Variants in CADPS observed in about 807,000 individuals in gnomAD.
CADPS encodes calcium dependent secretion activator.
CADPS carries 57 observed loss-of-function variants against 167.3 expected under a neutral mutation model. The ratio of observed to expected loss-of-function variants is 0.34; its 90% CI spans 0.28 to 0.42. The LOEUF is 0.42. CADPS is among the 20% of genes least tolerant of loss of function. The pLI is 1.00. For missense variants in CADPS, 1,414 were observed against 1,738.1 expected (o/e 0.81, Z 3.32); for synonymous variants, 676 against 635.3 (o/e 1.06, Z -0.96).
At chr3:62,437,272 G>A (rs1470612516) in intron 28 of CADPS, among the ~76,000 whole-genome samples, 1 of 151,648 alleles carries the variant, frequency 6.6e-6, no homozygotes, top group Non-Finnish European at 1.5e-5. Flanking sequence ...TGAAATATCT[G>A]GCTAAATTAG....
At chr3:62,482,771 G>A (rs1019790414) in intron 21 of CADPS, among the ~76,000 whole-genome samples, 1 of 152,132 alleles carries the variant, frequency 6.6e-6, no homozygotes, top group Non-Finnish European at 1.5e-5. Context: ...CTGTGTGATG[G>A]CTTACATGGG....
At chr3:62,464,705 T>C (rs2059748196) in intron 26 of CADPS, among the ~76,000 whole-genome samples, 1 of 152,184 alleles carries the variant, frequency 6.6e-6, no homozygotes, top group South Asian at 2.1e-4. Flanking sequence ...AGATCATATG[T>C]CCCAGAAGTT....
intron 3 of CADPS, among the ~76,000 whole-genome samples, chr3:62,692,344 T>C (rs912317340): frequency 2.6e-5 from 4 of 151,092 alleles, no homozygotes; most frequent in Non-Finnish European, 5.9e-5. Context: ...AGGAACCATT[T>C]AGTCCAGAGA....
intron 2 of CADPS, among the ~76,000 whole-genome samples, chr3:62,757,361 AC>A (rs1033463542): frequency 6.6e-6 from 1 of 151,996 alleles, no homozygotes; most frequent in Non-Finnish European, 1.5e-5. Context: ...CTCCAGCTAG[AC>A]TATAAGTTCC....
chr3:62,537,915 G>C (rs747153133), intron 11 of CADPS, among the ~76,000 whole-genome samples: 2 of 150,390 alleles, frequency 1.3e-5, no homozygotes, highest in East Asian at 3.9e-4. Flanking sequence ...TTAAAAAAAC[G>C]TTGTCATTTT....
intron 1 of CADPS, among the ~76,000 whole-genome samples, chr3:62,873,389 T>G (rs773490768): frequency 1.4e-4 from 22 of 152,218 alleles, no homozygotes; most frequent in Non-Finnish European, 2.8e-4. Context: ...TTGATGGGGT[T>G]AGGACTGGCC....
rs1023016437 is a variant in CADPS at position 62,518,360 on chromosome 3, C to T, written c.2292-110G>A. 23 of 761,632 alleles carry T rather than the reference C, an allele frequency of 3.0e-5. No homozygotes were observed. The Middle Eastern group carries it at 9.6e-4, about 32-fold the overall frequency. The allele number at this position is 761,632 out of a possible 1,614,324, so 47.2% of individuals were successfully genotyped here. A position where few individuals can be genotyped will look rare whatever the true frequency, so the allele number is the denominator to read the frequency against. ...TTTTAGAAGAAACAACTACAGTGAT[C>T]GATGTGAGCTCAGGAGAAGCCCAGC... On this transcript the variant is annotated intron_variant, in intron 13 of 29. Transcript: ENST00000383710.
chr3:62,655,689 C>T (rs2071376745), intron 4 of CADPS, among the ~76,000 whole-genome samples: 1 of 152,022 alleles, frequency 6.6e-6, no homozygotes, highest in South Asian at 2.1e-4. Context: ...TTCCCTAGAC[C>T]CCAAAGACTC....
At chr3:62,599,224 A>G (rs2059337643) in intron 6 of CADPS, among the ~76,000 whole-genome samples, 1 of 151,990 alleles carries the variant, frequency 6.6e-6, no homozygotes, top group Non-Finnish European at 1.5e-5. Context: ...TGAAGTAGAT[A>G]ATGTAAAATG....
Position 62,478,420 on chromosome 3 carries a change from G to A in CADPS, c.3174-4C>T. 1 of 1,612,616 alleles carries A rather than the reference G, an allele frequency of 6.2e-7. No individual in the cohort carries two copies. Among genetic ancestry groups the A allele is most frequent in the African/African-American group, 1.3e-5 (1 of 74,996 alleles). On this transcript the variant is annotated splice_region_variant and splice_polypyrimidine_tract_variant and intron_variant, in intron 22 of 29. Coordinates refer to ENST00000383710, the MANE Select transcript of CADPS (RefSeq NM_003716.4). The surrounding 1 kb of genome is among the most constrained non-coding windows in gnomAD (Gnocchi z 5.7). ...TTCTGAGGTGCCTGACCCATTACTG[G>A]CAGGACAAAAATTAGAAAATGAGAG...
chr3:62,618,155 G>A (rs978064903), intron 6 of CADPS, among the ~76,000 whole-genome samples: 3 of 152,116 alleles, frequency 2.0e-5, no homozygotes, highest in African/African-American at 4.8e-5. Context: ...TTACTCCACT[G>A]CAGAATGCAA....
chr3:62,716,162 T>C (rs1564224774), intron 3 of CADPS, among the ~76,000 whole-genome samples: 1 of 152,126 alleles, frequency 6.6e-6, no homozygotes, highest in African/African-American at 2.4e-5. Flanking sequence ...TGGGTTCAAG[T>C]GATTCTCGTG....
intron 9 of CADPS, 90 bp downstream of exon 9, chr3:62,570,782 G>A (rs1333869814): frequency 8.1e-6 from 7 of 859,072 alleles, no homozygotes; most frequent in Admixed American, 1.8e-5. Context: ...TGAGCTCTGT[G>A]TATTTAAGTT....
At chr3:62,642,273 A>C (rs1179938244) in intron 6 of CADPS, among the ~76,000 whole-genome samples, 1 of 152,114 alleles carries the variant, frequency 6.6e-6, no homozygotes, top group African/African-American at 2.4e-5. Flanking sequence ...TATATAAATA[A>C]AGCATGGGCA....
chr3:62,606,116 G>T (rs906232845), intron 6 of CADPS, among the ~76,000 whole-genome samples: 2 of 152,108 alleles, frequency 1.3e-5, no homozygotes, highest in African/African-American at 4.8e-5. Flanking sequence ...TTGTTCAATG[G>T]GATTCACACT....
At chr3:62,615,991 A>C (rs946955064) in intron 6 of CADPS, among the ~76,000 whole-genome samples, 1 of 152,230 alleles carries the variant, frequency 6.6e-6, no homozygotes, top group African/African-American at 2.4e-5. Flanking sequence ...GCTAAACTCC[A>C]GTCTCCATCC....
At position 62,597,147 on chromosome 3, in the gene CADPS, T is replaced by C. The variant is rs888815450; in HGVS notation, c.1326-4399A>G. ...GAATTTGAGAGTAGCCTGGGCAACA[T>C]AGAAAGACCCAGGCTTTTTATTTTT... On this transcript the variant is annotated intron_variant, in intron 6 of 29. Transcript: ENST00000383710. Among the ~76,000 whole-genome samples, 20 of 152,212 alleles carry C rather than the reference T, an allele frequency of 1.3e-4. No individual in the cohort carries two copies. The East Asian group carries it at 3.5e-3, about 27-fold the overall frequency.
intron 3 of CADPS, among the ~76,000 whole-genome samples, chr3:62,703,008 T>G (rs896037865): frequency 6.6e-6 from 1 of 152,132 alleles, no homozygotes; most frequent in Admixed American, 6.6e-5. Flanking sequence ...GGATTTTAGC[T>G]GAGATATCCT....
chr3:62,561,900 T>C (rs1577854109), intron 9 of CADPS, among the ~76,000 whole-genome samples: 1 of 152,326 alleles, frequency 6.6e-6, no homozygotes, highest in East Asian at 1.9e-4. Context: ...ATACATAATT[T>C]AGAAAAGAGT....
Sources: allele counts gnomAD v4.1 joint callset (sites outside exome capture counted in the v4.1 genomes callset), GRCh38; gene constraint gnomAD v4.1.1; non-coding constraint Gnocchi (gnomAD v3.1); transcripts MANE v1.5; gene names NCBI Gene and HGNC (gene_info 2026-07-23, HGNC 2026-07-21).